RYR3: variants seen among roughly 807,000 people sequenced by gnomAD.
RYR3 encodes brain ryanodine receptor-calcium release channel.
In RYR3, 207 loss-of-function variants were observed where a neutral mutation model predicts 584.3. That is an observed-to-expected ratio of 0.35 (90% confidence interval 0.32 to 0.40). The LOEUF (loss-of-function observed/expected upper bound fraction) is 0.40. RYR3 is among the 10% of genes least tolerant of loss of function. The probability of loss-of-function intolerance (pLI) is 1.00; values close to 1 mark genes in which losing one functional copy is unlikely to be tolerated. For missense variants in RYR3, 5,616 were observed against 6,089.2 expected (o/e 0.92, Z 2.59); for synonymous variants, 2,416 against 2,248.5 (o/e 1.07, Z -2.11).
chr15:33,665,590 C>G (rs1495284), intron 36 of RYR3, among the ~76,000 whole-genome samples: 138,203 of 152,240 alleles, frequency 0.91, 63,067 homozygotes, highest in Non-Finnish European at 0.95. Context: ...CATGGTTCCA[C>G]ATCTTGGGAA....
chr15:33,431,803 T>C (rs2045177771), intron 1 of RYR3, among the ~76,000 whole-genome samples: 1 of 152,156 alleles, frequency 6.6e-6, no homozygotes, highest in African/African-American at 2.4e-5. Flanking sequence ...GGATTTAGCC[T>C]TCTTTGAAAT....
intron 32 of RYR3, among the ~76,000 whole-genome samples, chr15:33,657,677 T>A (rs1339100237): frequency 6.6e-6 from 1 of 152,238 alleles, no homozygotes; most frequent in African/African-American, 2.4e-5. Context: ...TTTACAAAGC[T>A]TATTTCAGGC....
At chr15:33,610,522 G>C (rs1046199011) in intron 18 of RYR3, among the ~76,000 whole-genome samples, 1 of 152,196 alleles carries the variant, frequency 6.6e-6, no homozygotes, top group Non-Finnish European at 1.5e-5. Flanking sequence ...GGAAGAGTGG[G>C]AGGGAATGCA....
At chr15:33,816,742 A>T (rs2076832798) in intron 74 of RYR3, 120 bp from the exon 75 acceptor site, 1 of 610,642 alleles carries the variant, frequency 1.6e-6, no homozygotes, top group East Asian at 3.0e-5. Context: ...GGCTACCCTG[A>T]CCAATCAGAA....
At chr15:33,690,148 C>G (rs2065309976) in intron 38 of RYR3, among the ~76,000 whole-genome samples, 1 of 152,204 alleles carries the variant, frequency 6.6e-6, no homozygotes, top group African/African-American at 2.4e-5. Flanking sequence ...GAAGGATCAG[C>G]TAATGTTGGG....
At chr15:33,716,534 G>C (rs983968902) in intron 43 of RYR3, among the ~76,000 whole-genome samples, 14 of 152,122 alleles carry the variant, frequency 9.2e-5, no homozygotes, top group African/African-American at 3.4e-4. Flanking sequence ...TCAAAGTCCA[G>C]AAATAAGCAG....
chr15:33,483,681 C>T (rs2050168870), intron 2 of RYR3, among the ~76,000 whole-genome samples: 3 of 152,162 alleles, frequency 2.0e-5, no homozygotes, highest in Admixed American at 2.0e-4. Flanking sequence ...TTTGCTTATT[C>T]TAAGCATTTT....
At chr15:33,344,028 G>T (rs530927308) in intron 1 of RYR3, among the ~76,000 whole-genome samples, 1 of 152,170 alleles carries the variant, frequency 6.6e-6, no homozygotes, top group Non-Finnish European at 1.5e-5. Flanking sequence ...AAATAGTCCC[G>T]AAATGCTGTC....
intron 16 of RYR3, among the ~76,000 whole-genome samples, chr15:33,601,135 G>C (rs2059639869): frequency 6.6e-6 from 1 of 152,132 alleles, no homozygotes; most frequent in South Asian, 2.1e-4. Context: ...TACTGTAATA[G>C]AGCAATGGCC....
chr15:33,647,348 A>G (rs1294169097), intron 29 of RYR3, 76 bp from the exon 30 acceptor site: 1 of 1,121,268 alleles, frequency 8.9e-7, no homozygotes, highest in Non-Finnish European at 1.4e-6. Flanking sequence ...CATTGAAGGT[A>G]GATCAAGTTG....
intron 1 of RYR3, among the ~76,000 whole-genome samples, chr15:33,442,232 T>C (rs950244311): frequency 9.9e-5 from 15 of 152,220 alleles, no homozygotes; most frequent in Non-Finnish European, 1.8e-4. Flanking sequence ...ACCTTTTTTC[T>C]AAGAGAGGAA....
At chr15:33,738,206 G>T (rs1483503148) in intron 49 of RYR3, among the ~76,000 whole-genome samples, 1 of 152,124 alleles carries the variant, frequency 6.6e-6, no homozygotes, top group East Asian at 1.9e-4. Context: ...AACTGCTAGG[G>T]GGCACATTAG....
At chr15:33,423,432 T>C (rs150068013) in intron 1 of RYR3, among the ~76,000 whole-genome samples, 44 of 152,326 alleles carry the variant, frequency 2.9e-4, no homozygotes, top group African/African-American at 9.1e-4. Context: ...TGTTTCCACC[T>C]TAGGTTATTG....
At position 33,826,652 on chromosome 15, in the gene RYR3, C is replaced by A; in HGVS notation, c.11165-20C>A. 1 of 1,601,584 alleles carries A rather than the reference C, an allele frequency of 6.2e-7. No individual in the cohort carries two copies. Among genetic ancestry groups the A allele is most frequent in the Non-Finnish European group, 8.6e-7 (1 of 1,168,600 alleles). On this transcript the variant is annotated intron_variant, in intron 83 of 103. Coordinates refer to ENST00000634891, the MANE Select transcript of RYR3 (RefSeq NM_001036.6). Reference sequence around the variant, plus strand: ...GGTGAGAAGCCAAACCAATGCTCATCAACGTTCTGTGTTTTCAAGGTGAAA... The same window carrying A: ...GGTGAGAAGCCAAACCAATGCTCATAAACGTTCTGTGTTTTCAAGGTGAAA...
At chr15:33,655,764 C>G (rs978009943) in intron 32 of RYR3, among the ~76,000 whole-genome samples, 2 of 152,210 alleles carry the variant, frequency 1.3e-5, no homozygotes, top group Admixed American at 6.5e-5. Context: ...CCTTCTCATT[C>G]CAGGCGAGAC....
intron 1 of RYR3, among the ~76,000 whole-genome samples, chr15:33,338,839 CAAAA>C (rs559077518): frequency 1.3e-5 from 2 of 151,314 alleles, no homozygotes; most frequent in African/African-American, 4.9e-5. Flanking sequence ...ATAATGGTGA[CAAAA>C]AAAAGTCCTT....
At chr15:33,713,974 G>GT (rs1214533285) in intron 43 of RYR3, among the ~76,000 whole-genome samples, 2 of 152,082 alleles carry the variant, frequency 1.3e-5, no homozygotes, top group Non-Finnish European at 2.9e-5. Context: ...TTTGGAGGGT[G>GT]GGGGGGACAC....
In RYR3 at chr15:33,591,315, T is replaced by C. The variant is rs141441939; in HGVS notation, c.1788+5199T>C. Among the ~76,000 whole-genome samples, 350 of 152,380 alleles carry C rather than the reference T, an allele frequency of 2.3e-3. 1 individual carries two copies. Among genetic ancestry groups the C allele is most frequent in the African/African-American group, 8.2e-3 (342 of 41,598 alleles). ...GCTGTAATAATTGTTCCAATCTGCC[T>C]TCTATTATAGTTATTTTTTCACATC... is the stretch of plus-strand genomic sequence containing the variant. On this transcript the variant is annotated intron_variant, in intron 16 of 103. Transcript: ENST00000634891.
intron 70 of RYR3, among the ~76,000 whole-genome samples, chr15:33,809,077 C>T (rs148857022): frequency 4.3e-4 from 66 of 152,284 alleles, no homozygotes; most frequent in African/African-American, 1.5e-3. Flanking sequence ...GAAACTCTTT[C>T]GCCTTTTGGA....
Sources: gnomAD v4.1 joint callset for allele counts (sites outside exome capture counted in the v4.1 genomes callset) on GRCh38, gnomAD v4.1.1 for gene constraint, MANE v1.5 for transcripts, NCBI Gene and HGNC (gene_info 2026-07-23, HGNC 2026-07-21) for gene names.